The following COL21A1 variants were observed in gnomAD, a reference collection of about 807,000 sequenced individuals.
The protein encoded by COL21A1 is collagen alpha-1(XXI) chain.
COL21A1 carries 149 observed loss-of-function variants against 137.9 expected under a neutral mutation model. The ratio of observed to expected loss-of-function variants is 1.08; its 90% CI spans 0.95 to 1.24. The LOEUF is 1.24. COL21A1 is among the 50% of genes most tolerant of loss of function. The pLI, the probability that COL21A1 is intolerant of heterozygous loss-of-function variation, is 0.00. For synonymous variants in COL21A1, 456 were observed against 391.5 expected, an observed-to-expected ratio of 1.16 and a Z score of -1.95; for missense variants, 1,167 against 1,158.4, an observed-to-expected ratio of 1.01 and a Z score of -0.11.
intron 16 of COL21A1, among the ~76,000 whole-genome samples, chr6:56,115,114 A>T (rs1290409622): frequency 6.7e-6 from 1 of 149,018 alleles, no homozygotes; most frequent in African/African-American, 2.5e-5. Context: ...GATCACATGG[A>T]CACAGGAAGG....
intron 12 of COL21A1, among the ~76,000 whole-genome samples, chr6:56,141,498 C>T (rs74807614): frequency 0.024 from 3,633 of 152,242 alleles, 78 homozygotes; most frequent in East Asian, 0.056. Context: ...TCACATAACC[C>T]ACTCCCCTCT....
chr6:56,171,224 T>C (rs962899202), intron 3 of COL21A1, 96 bp from the exon 4 acceptor site: 2 of 714,586 alleles, frequency 2.8e-6, no homozygotes, highest in African/African-American at 3.6e-5. Context: ...TAGTATTCTA[T>C]CATTAGAATT....
chr6:56,067,413 G>A, intron 22 of COL21A1, 83 bp from the exon 23 acceptor site: 1 of 1,270,106 alleles, frequency 7.9e-7, no homozygotes, highest in Non-Finnish European at 1.1e-6. Flanking sequence ...CTCTGCTGAA[G>A]AAAAACAACA....
intron 1 of COL21A1, among the ~76,000 whole-genome samples, chr6:56,283,740 G>T (rs531598175): frequency 6.6e-6 from 1 of 151,982 alleles, no homozygotes. Flanking sequence ...TTTGGAGGAG[G>T]AACTAAATTT....
chr6:56,324,903 G>C (rs533664988), intron 1 of COL21A1, among the ~76,000 whole-genome samples: 6 of 151,946 alleles, frequency 3.9e-5, no homozygotes, highest in African/African-American at 1.4e-4. Context: ...AGCAGATCAA[G>C]AGACCCTCAT....
chr6:56,266,751 AAG>A (rs756856614), intron 1 of COL21A1, among the ~76,000 whole-genome samples: 31,321 of 151,990 alleles, frequency 0.21, 3,924 homozygotes, highest in Non-Finnish European at 0.28. Flanking sequence ...GAGATGAATA[AAG>A]GATATTAAAG....
intron 12 of COL21A1, among the ~76,000 whole-genome samples, chr6:56,139,523 T>C (rs1326959301): frequency 6.6e-6 from 1 of 151,414 alleles, no homozygotes; most frequent in Non-Finnish European, 1.5e-5. Flanking sequence ...ACACAAGTGT[T>C]TGGGCATGGT....
exon 1 of COL21A1, chr6:56,393,995 G>A (rs1041539023): frequency 6.6e-6 from 1 of 152,256 alleles, no homozygotes; most frequent in Non-Finnish European, 1.5e-5. Flanking sequence ...CACAGAAGTC[G>A]GCCAGCTAAC....
At chr6:56,156,821 G>A (rs1775777242) in intron 10 of COL21A1, 66 bp downstream of exon 10, 4 of 1,316,246 alleles carry the variant, frequency 3.0e-6, no homozygotes, top group Admixed American at 3.8e-5. Flanking sequence ...GATTTGCTCA[G>A]CAAAACTTTT....
At chr6:56,217,403 A>G (rs1725386467) in intron 1 of COL21A1, among the ~76,000 whole-genome samples, 1 of 152,088 alleles carries the variant, frequency 6.6e-6, no homozygotes, top group African/African-American at 2.4e-5. Context: ...ACTGTCAACC[A>G]TGAATTTTCT....
At chr6:56,345,594 A>T (rs375839783) in intron 1 of COL21A1, among the ~76,000 whole-genome samples, 1 of 152,086 alleles carries the variant, frequency 6.6e-6, no homozygotes, top group Non-Finnish European at 1.5e-5. Context: ...TTTCCCAAGG[A>T]CTCAGAACGT....
At chr6:56,332,604 G>T (rs1242149469) in intron 1 of COL21A1, among the ~76,000 whole-genome samples, 6 of 146,972 alleles carry the variant, frequency 4.1e-5, no homozygotes, top group Non-Finnish European at 4.4e-5. Flanking sequence ...GCCAAAAAGG[G>T]TTACATGTTT....
At chr6:56,308,464 C>T (rs6918489) in intron 1 of COL21A1, among the ~76,000 whole-genome samples, 128,406 of 152,186 alleles carry the variant, frequency 0.84, 56,140 homozygotes, top group South Asian at 0.97. Context: ...TACTAGGTGA[C>T]GTAAGCCAGT....
chr6:56,120,013 G>T (rs766901372), intron 16 of COL21A1, among the ~76,000 whole-genome samples: 2 of 152,160 alleles, frequency 1.3e-5, no homozygotes, highest in African/African-American at 2.4e-5. Flanking sequence ...GATTTCTTGA[G>T]CAATACCTTA....
chr6:56,330,650 C>G (rs937778541), intron 1 of COL21A1, among the ~76,000 whole-genome samples: 1 of 152,044 alleles, frequency 6.6e-6, no homozygotes, highest in Admixed American at 6.6e-5. Context: ...CATCCCTCGC[C>G]TCTCTCCCAC....
At chr6:56,118,658 T>C (rs774245806) in intron 16 of COL21A1, among the ~76,000 whole-genome samples, 2 of 152,004 alleles carry the variant, frequency 1.3e-5, no homozygotes, top group Admixed American at 1.3e-4. Flanking sequence ...CTCTGATGAA[T>C]ATTGATGCAA....
intron 17 of COL21A1, among the ~76,000 whole-genome samples, chr6:56,097,477 C>A (rs773772281): frequency 2.8e-4 from 43 of 151,866 alleles, no homozygotes; most frequent in African/African-American, 9.7e-4. Flanking sequence ...ACTGTGTTTC[C>A]CTCACCACTG....
intron 1 of COL21A1, among the ~76,000 whole-genome samples, chr6:56,234,691 C>T (rs977685015): frequency 1.3e-5 from 2 of 151,698 alleles, no homozygotes; most frequent in Non-Finnish European, 2.9e-5. Context: ...CCTCATTTCC[C>T]AATTCAATAG....
At chr6:56,303,138 T>C (rs1040158702) in intron 1 of COL21A1, among the ~76,000 whole-genome samples, 3 of 152,338 alleles carry the variant, frequency 2.0e-5, no homozygotes, top group Non-Finnish European at 4.4e-5. Flanking sequence ...TGTAGCCTTG[T>C]AGTATAGTTT....
Sources: allele counts gnomAD v4.1 joint callset (sites outside exome capture counted in the v4.1 genomes callset), GRCh38; gene constraint gnomAD v4.1.1; transcripts MANE v1.5; gene names NCBI Gene and HGNC (gene_info 2026-07-23, HGNC 2026-07-21).